Variants in USP12 observed in about 807,000 individuals in gnomAD.
USP12 encodes ubiquitin carboxyl-terminal hydrolase 12.
Under a neutral mutation model 45.5 loss-of-function variants are expected in USP12, and 19 were observed. The ratio of observed to expected loss-of-function variants is 0.42; its 90% confidence interval spans 0.29 to 0.61. The LOEUF is 0.61. Among genes scored for constraint, USP12 ranks in the 20% least tolerant of loss-of-function variants. The pLI, the probability that USP12 is intolerant of heterozygous loss-of-function variation, is 0.22. For synonymous variants in USP12, 149 were observed against 148.8 expected (o/e 1.00, Z -0.01); for missense variants, 242 against 447.7 (o/e 0.54, Z 4.15).
intron 1 of USP12, among the ~76,000 whole-genome samples, chr13:27,150,983 C>G (rs184204395): frequency 6.6e-6 from 1 of 151,980 alleles, no homozygotes; most frequent in African/African-American, 2.4e-5. Context: ...AGGATTGACA[C>G]AGGATTTGGC....
intron 2 of USP12, among the ~76,000 whole-genome samples, chr13:27,109,209 C>T (rs1418288643): frequency 6.6e-6 from 1 of 152,174 alleles, no homozygotes; most frequent in Non-Finnish European, 1.5e-5. Context: ...TCAATGGATG[C>T]TCAAAGCATT....
At chr13:27,086,174 TAAAAAAAAAA>T (rs138475761) in intron 6 of USP12, among the ~76,000 whole-genome samples, 2,293 of 72,280 alleles carry the variant, frequency 0.032, 76 homozygotes, top group Middle Eastern at 0.07. Context: ...TTTGTCTCTT[TAAAAAAAAAA>T]AAAAAAAAAA....
chr13:27,080,585 G>C (rs1408188016), intron 6 of USP12, among the ~76,000 whole-genome samples: 1 of 152,200 alleles, frequency 6.6e-6, no homozygotes, highest in Non-Finnish European at 1.5e-5. Context: ...AAAGAGACTT[G>C]AGAGAGGAAA....
chr13:27,086,189 AAAAAAAAAATATATAT>A (rs1334755142), intron 6 of USP12, among the ~76,000 whole-genome samples: 1 of 81,924 alleles, frequency 1.2e-5, no homozygotes, highest in Non-Finnish European at 2.5e-5. Flanking sequence ...AAAAAAAAAA[AAAAAAAAAATATATAT>A]ATATATATAT....
intron 1 of USP12, among the ~76,000 whole-genome samples, chr13:27,133,167 T>C (rs521995): frequency 0.98 from 149,058 of 152,312 alleles, 72,992 homozygotes; most frequent in Non-Finnish European, 1. Flanking sequence ...ATATCTGATC[T>C]ATTAATAACA....
intron 2 of USP12, among the ~76,000 whole-genome samples, chr13:27,113,519 GAGT>G (rs1027286006): frequency 6.6e-5 from 10 of 152,136 alleles, no homozygotes; most frequent in African/African-American, 2.4e-4. Flanking sequence ...TACTCCAGCA[GAGT>G]AGACCAGACA....
At chr13:27,147,462 G>C (rs1398330382) in intron 1 of USP12, among the ~76,000 whole-genome samples, 1 of 152,008 alleles carries the variant, frequency 6.6e-6, no homozygotes, top group Non-Finnish European at 1.5e-5. Context: ...TTATAACTGA[G>C]GTGTCCAATT....
intron 6 of USP12, among the ~76,000 whole-genome samples, chr13:27,083,746 T>A (rs1332027195): frequency 6.6e-6 from 1 of 152,156 alleles, no homozygotes; most frequent in African/African-American, 2.4e-5. Flanking sequence ...AATATTTAGA[T>A]AAAATATTAT....
At position 27,069,258 on chromosome 13, in the gene USP12, AGT is replaced by A. The variant is rs768021194; in HGVS notation, c.*23_*24del. The A allele has an allele frequency of 5.8e-5, 91 of 1,560,912 alleles. No individual in the cohort carries two copies. The African/African-American group carries it at 1.2e-3, about 20-fold the overall frequency. ...TAACCAGAGAAGAAATGAGGCAGAAAGTGTCTCTTCATCACGGTTCCCTCTCA... is the reference window on the plus strand; with the variant it reads ...TAACCAGAGAAGAAATGAGGCAGAAAGTCTCTTCATCACGGTTCCCTCTCA... On this transcript the variant is annotated 3_prime_UTR_variant, in exon 9 of 9. Transcript: ENST00000282344.
rs750265167 is a variant in USP12 at position 27,069,398 on chromosome 13, T to C, written c.1012-14A>G. On this transcript the variant is annotated splice_polypyrimidine_tract_variant and intron_variant, in intron 8 of 8. Coordinates refer to ENST00000282344, the MANE Select transcript of USP12 (RefSeq NM_182488.4). Reference sequence around the variant, plus strand: ...TGCATCTATTTTCTGTGAGGTAAAATGTAAACATTAGTACATAAATGAGCT... The same window carrying C: ...TGCATCTATTTTCTGTGAGGTAAAACGTAAACATTAGTACATAAATGAGCT... 1.3e-6 allele frequency: 2 copies of C among 1,587,438 alleles called. No individual in the cohort carries two copies.
chr13:27,132,333 T>C (rs1876541048), intron 1 of USP12, among the ~76,000 whole-genome samples: 1 of 152,072 alleles, frequency 6.6e-6, no homozygotes, highest in Non-Finnish European at 1.5e-5. Context: ...TGTTAGTAAC[T>C]TCAAACAAGA....
intron 4 of USP12, among the ~76,000 whole-genome samples, chr13:27,091,523 A>G (rs1874314921): frequency 6.6e-6 from 1 of 152,216 alleles, no homozygotes; most frequent in South Asian, 2.1e-4. Flanking sequence ...CCACTTTTCA[A>G]AGTGGTTGTA....
In USP12 at chr13:27,067,372, T is replaced by A. The variant is rs878932248; in HGVS notation, c.*1911A>T. The A allele has an allele frequency of 1.3e-5, 2 of 152,290 alleles. No homozygotes were observed. The highest frequency in any genetic ancestry group is 4.1e-4 in the South Asian group (2 of 4,824). The allele number at this position is 152,290 out of a possible 1,614,324, so 9.4% of individuals were successfully genotyped here. On this transcript the variant is annotated 3_prime_UTR_variant, in exon 9 of 9. Coordinates refer to ENST00000282344, the MANE Select transcript of USP12 (RefSeq NM_182488.4). ...GCATCCACTTCCACTGCCCTGACTT[T>A]CCCCACACTGTTGATTGTGATTCTC...
chr13:27,155,248 A>AT (rs1566006130), intron 1 of USP12, among the ~76,000 whole-genome samples: 3 of 151,356 alleles, frequency 2.0e-5, no homozygotes, highest in South Asian at 2.1e-4. Flanking sequence ...TGCCCGGCTA[A>AT]TTTTTTGTAT....
intron 8 of USP12, among the ~76,000 whole-genome samples, chr13:27,070,668 C>T (rs896567445): frequency 6.6e-6 from 1 of 152,104 alleles, no homozygotes; most frequent in Non-Finnish European, 1.5e-5. Flanking sequence ...CTTCTCCTGC[C>T]TCAGCCTCCC....
At chr13:27,088,605 G>A (rs539010053) in intron 6 of USP12, among the ~76,000 whole-genome samples, 1 of 152,140 alleles carries the variant, frequency 6.6e-6, no homozygotes, top group African/African-American at 2.4e-5. Flanking sequence ...TGGAATTTGG[G>A]GGCATGGTAG....
rs768392991 is a variant in USP12, at chr13:27,095,665, G to A, written c.509C>T (p.Thr170Met). 3 of 1,612,220 alleles carry A rather than the reference G, an allele frequency of 1.9e-6. No individual in the cohort carries two copies. Among genetic ancestry groups the A allele is most frequent in the Admixed American group, 3.3e-5 (2 of 59,806 alleles). Reference protein sequence around the residue: ...NENNNSTPDPTWVHEIFQGTL... With the variant: ...NENNNSTPDPMWVHEIFQGTL... The stretch of plus-strand genomic sequence containing the variant: ...TCCCTGAAAAATCTCATGAACCCAC[G>A]TTGGGTCTGGTGTGCTGTTATTATT... The change falls in exon 4 of 9, where the codon ACG becomes ATG. Residue 170 changes from threonine (T) to methionine (M), a missense_variant. By Grantham distance (81) the Thr-to-Met change is moderately conservative. This residue lies in a region of USP12 where 40 missense variants were observed against 38.6 expected (regional missense o/e 1.04). Coordinates refer to ENST00000282344, the MANE Select transcript of USP12 (RefSeq NM_182488.4).
intron 1 of USP12, among the ~76,000 whole-genome samples, chr13:27,170,930 A>G (rs1417840625): frequency 6.6e-6 from 1 of 152,192 alleles, no homozygotes; most frequent in African/African-American, 2.4e-5. Context: ...GTACTTATTT[A>G]AAGTTTCCAC....
At chr13:27,140,038 A>G (rs1277971208) in intron 1 of USP12, among the ~76,000 whole-genome samples, 1 of 152,248 alleles carries the variant, frequency 6.6e-6, no homozygotes, top group Non-Finnish European at 1.5e-5. Flanking sequence ...ATACATTTCT[A>G]TTGTACTTAC....
Sources: allele counts gnomAD v4.1 joint callset (sites outside exome capture counted in the v4.1 genomes callset), GRCh38; gene constraint gnomAD v4.1.1; regional missense constraint gnomAD v4.1.1; transcripts MANE v1.5; gene names NCBI Gene and HGNC (gene_info 2026-07-23, HGNC 2026-07-21).